Variants in CATSPERD observed in about 807,000 individuals in gnomAD.
CATSPERD encodes cation channel sperm-associated auxiliary subunit delta.
In CATSPERD, 86 loss-of-function variants were observed where a neutral mutation model predicts 98.1. The observed-to-expected ratio is 0.88, with a 90% CI of 0.74 to 1.05. The LOEUF (loss-of-function observed/expected upper bound fraction) is 1.05. CATSPERD is among the 50% of genes least tolerant of loss of function. The probability of loss-of-function intolerance (pLI) is 0.00; values close to 1 mark genes in which losing one functional copy is unlikely to be tolerated. For synonymous variants in CATSPERD, 394 were observed against 390.2 expected (o/e 1.01, Z -0.12); for missense variants, 995 against 1,005.7 (o/e 0.99, Z 0.14).
intron 1 of CATSPERD, among the ~76,000 whole-genome samples, chr19:5,724,318 C>G (rs541826155): frequency 9.9e-5 from 15 of 152,148 alleles, no homozygotes; most frequent in African/African-American, 3.1e-4. Context: ...CTGCCTCGGC[C>G]TCCCAAAGTG....
chr19:5,746,875 C>G (rs141837037), intron 9 of CATSPERD, among the ~76,000 whole-genome samples: 62 of 151,910 alleles, frequency 4.1e-4, no homozygotes, highest in African/African-American at 1.4e-3. Flanking sequence ...CCTGATTGTA[C>G]TTCTGCACCC....
chr19:5,775,281 C>T (rs1194214754), intron 20 of CATSPERD: 1 of 471,154 alleles, frequency 2.1e-6, no homozygotes, highest in Non-Finnish European at 4.4e-6. Context: ...AGAGAGCTCC[C>T]CGCTTCTAGT....
Position 5,720,801 on chromosome 19 carries a change from C to T in CATSPERD, c.64C>T (p.Leu22Phe). The T allele has an allele frequency of 1.9e-6, 3 of 1,600,112 alleles. No homozygotes were observed. The highest frequency in any genetic ancestry group is 2.5e-6 in the Non-Finnish European group (3 of 1,178,964). Residue 22 changes from leucine to phenylalanine, a missense_variant, in exon 1 of 22, where the codon CTC becomes TTC. Leu to Phe is a conservative substitution (Grantham distance 22). Transcript: ENST00000381624. ...MWLRPLVTAQ[L>F]CRSRTVRTGK... ...GCTCCGACCGCTGGTCACAGCTCAGCTCTGTCGGTGGGGCTGCCAGGACTC... is the reference window on the plus strand; with the variant it reads ...GCTCCGACCGCTGGTCACAGCTCAGTTCTGTCGGTGGGGCTGCCAGGACTC...
Position 5,778,359 on chromosome 19 carries a change from G to A in CATSPERD, c.2097-17G>A, listed in dbSNP as rs138592718. ...AGGCAATGCCCAACAGCCTCTCCCC[G>A]CCTCCCCCCACCGCAGCTACTGTCA... is the stretch of plus-strand genomic sequence containing the variant. On this transcript the variant is annotated splice_polypyrimidine_tract_variant and intron_variant, in intron 21 of 21. Transcript: ENST00000381624. The A allele has an allele frequency of 2.5e-5, 39 of 1,585,592 alleles. No individual in the cohort carries two copies. Among genetic ancestry groups the A allele is most frequent in the Admixed American group, 3.4e-5 (2 of 58,686 alleles).
chr19:5,772,597 C>G (rs1457023814), intron 19 of CATSPERD, among the ~76,000 whole-genome samples, 191 bp from the exon 20 acceptor site: 1 of 152,058 alleles, frequency 6.6e-6, no homozygotes, highest in Non-Finnish European at 1.5e-5. Context: ...CCCATGCACC[C>G]AGCTCTTTCT....
At chr19:5,767,046 G>A (rs1480716586) in intron 17 of CATSPERD, among the ~76,000 whole-genome samples, 1 of 150,984 alleles carries the variant, frequency 6.6e-6, no homozygotes, top group Non-Finnish European at 1.5e-5. Context: ...GGCCGGGCAC[G>A]GTGGCTCACG....
chr19:5,761,417 A>G (rs975078497), intron 15 of CATSPERD, among the ~76,000 whole-genome samples: 1 of 138,958 alleles, frequency 7.2e-6, no homozygotes, highest in Non-Finnish European at 1.7e-5. Flanking sequence ...TCAGAAATTA[A>G]TGGATGGATG....
Position 5,720,712 on chromosome 19 carries a change from A to G in CATSPERD, c.-26A>G. 1 of 1,603,044 alleles carries G rather than the reference A, an allele frequency of 6.2e-7. No homozygotes were observed. The highest frequency in any genetic ancestry group is 8.5e-7 in the Non-Finnish European group (1 of 1,177,876). ...CGACTCCCCGTGGCGGTTGAGGGGC[A>G]GTGGTGGCGGCGGAAGCCCAAGTCG... is the stretch of plus-strand genomic sequence containing the variant. On this transcript the variant is annotated 5_prime_UTR_variant, in exon 1 of 22. Coordinates refer to ENST00000381624, the MANE Select transcript of CATSPERD (RefSeq NM_152784.4).
chr19:5,778,501 A>G lies in CATSPERD; in HGVS notation c.2222A>G (p.Tyr741Cys), dbSNP rs1411752049. The G allele has an allele frequency of 1.2e-6, 2 of 1,614,038 alleles. No homozygotes were observed. The highest frequency in any genetic ancestry group is 8.5e-7 in the Non-Finnish European group (1 of 1,180,032). ...SSILGSVWLA[Y>C]KTPKLLRTAR... The stretch of plus-strand genomic sequence containing the variant: ...ATCCTGGGGTCCGTTTGGCTGGCCT[A>G]CAAGACCCCCAAGCTGCTACGCACA... Residue 741 changes from tyrosine to cysteine, a missense_variant, in exon 22 of 22, where the codon TAC (tyrosine) becomes TGC (cysteine). Coordinates refer to ENST00000381624, the MANE Select transcript of CATSPERD (RefSeq NM_152784.4).
chr19:5,723,959 A>C (rs2055553590), intron 1 of CATSPERD, among the ~76,000 whole-genome samples: 3 of 151,602 alleles, frequency 2.0e-5, no homozygotes, highest in African/African-American at 4.8e-5. Context: ...ATTACAGGCT[A>C]ATTTTGTATA....
intron 3 of CATSPERD, among the ~76,000 whole-genome samples, chr19:5,727,556 C>T (rs1362009039): frequency 6.6e-6 from 1 of 152,012 alleles, no homozygotes; most frequent in African/African-American, 2.4e-5. Flanking sequence ...TAGTGTGGTA[C>T]CACCTGTCAA....
At chr19:5,746,285 T>C (rs2056092421) in intron 9 of CATSPERD, among the ~76,000 whole-genome samples, 1 of 152,248 alleles carries the variant, frequency 6.6e-6, no homozygotes, top group Middle Eastern at 3.4e-3. Context: ...AGGTAGACAG[T>C]GACAACTGAA....
intron 5 of CATSPERD, among the ~76,000 whole-genome samples, chr19:5,735,983 T>C (rs2055837759): frequency 6.6e-6 from 1 of 151,504 alleles, no homozygotes; most frequent in Admixed American, 6.6e-5. Flanking sequence ...GGTTTCACGG[T>C]GTTAGCCAGG....
intron 7 of CATSPERD, among the ~76,000 whole-genome samples, chr19:5,741,695 A>T (rs779069217): frequency 1.2e-4 from 18 of 150,234 alleles, no homozygotes; most frequent in Non-Finnish European, 2.5e-4. Flanking sequence ...GAATGAGGTC[A>T]CATTGAAATC....
chr19:5,739,843 A>AAAAAAAAAAAG (rs71984717), intron 7 of CATSPERD, among the ~76,000 whole-genome samples: 2 of 60,514 alleles, frequency 3.3e-5, no homozygotes, highest in African/African-American at 1.4e-4. Context: ...CATCTCAAAA[A>AAAAAAAAAAAG]AAAAAAAAAA....
In CATSPERD at chr19:5,720,723, C is replaced by G. The variant is rs1402388806; in HGVS notation, c.-15C>G. On this transcript the variant is annotated 5_prime_UTR_variant, in exon 1 of 22. Coordinates refer to ENST00000381624, the MANE Select transcript of CATSPERD (RefSeq NM_152784.4). ...GGCGGTTGAGGGGCAGTGGTGGCGG[C>G]GGAAGCCCAAGTCGATGCTGATGTT... 1 of 1,604,854 alleles carries G rather than the reference C, an allele frequency of 6.2e-7. No individual in the cohort carries two copies. The highest frequency in any genetic ancestry group is 8.5e-7 in the Non-Finnish European group (1 of 1,179,046).
chr19:5,763,350 G>GCCAGCTTCCATGAGTCTT, intron 16 of CATSPERD, 57 bp downstream of exon 16: 1 of 1,437,452 alleles, frequency 7.0e-7, no homozygotes, highest in Non-Finnish European at 9.8e-7. Context: ...AAGACTCATG[G>GCCAGCTTCCATGAGTCTT]AAGCTGGCCC....
chr19:5,748,131 C>A, intron 9 of CATSPERD, 29 bp from the exon 10 acceptor site: 1 of 1,575,140 alleles, frequency 6.3e-7, no homozygotes, highest in South Asian at 1.1e-5. Flanking sequence ...GTACACGGGG[C>A]CTCATGCACC....
chr19:5,778,619 A>G lies in CATSPERD; in HGVS notation c.2340A>G (p.Ala780=). ...CQFRASATAR[A]GTEPPGRHRT... ...TCAGGGCCTCAGCCACAGCCAGGGC[A>G]GGCACAGAGCCCCCGGGACGCCACC... Residue 780 remains alanine, a synonymous_variant, in exon 22 of 22, where the codon GCA becomes GCG. Coordinates refer to ENST00000381624, the MANE Select transcript of CATSPERD (RefSeq NM_152784.4). 6.2e-7 allele frequency: 1 copy of G among 1,613,768 alleles called. No homozygotes were observed. Among genetic ancestry groups the G allele is most frequent in the African/African-American group, 1.3e-5 (1 of 75,036 alleles).
Sources: gnomAD v4.1 joint callset for allele counts (sites outside exome capture counted in the v4.1 genomes callset) on GRCh38, gnomAD v4.1.1 for gene constraint, MANE v1.5 for transcripts, NCBI Gene and HGNC (gene_info 2026-07-23, HGNC 2026-07-21) for gene names.